The following PPFIA1 variants were observed in gnomAD, a reference collection of about 807,000 sequenced individuals.
PPFIA1 encodes the protein liprin-alpha-1.
Under a neutral mutation model 149.9 loss-of-function variants are expected in PPFIA1, and 25 were observed. The observed-to-expected ratio is 0.17, with a 90% CI of 0.12 to 0.23. PPFIA1 has a LOEUF of 0.23. Ranked by LOEUF, PPFIA1 falls within the 10% of genes least tolerant of loss-of-function variation. The pLI is 1.00. For synonymous variants in PPFIA1, 549 were observed against 552.8 expected (o/e 0.99, Z 0.10); for missense variants, 1,362 against 1,506.5 (o/e 0.90, Z 1.59).
At chr11:70,352,364 C>T (rs899846596) in intron 16 of PPFIA1, among the ~76,000 whole-genome samples, 8 of 152,204 alleles carry the variant, frequency 5.3e-5, no homozygotes, top group Admixed American at 2.0e-4. Flanking sequence ...ACACAGAGCA[C>T]GGCCTTCAGT....
chr11:70,327,767 C>T (rs1419449969), intron 7 of PPFIA1: 3 of 118,696 alleles, frequency 2.5e-5, no homozygotes, highest in African/African-American at 9.7e-5. Context: ...AGCGAGACTC[C>T]GTCTCAAAAA....
intron 19 of PPFIA1, 148 bp from the exon 20 acceptor site, chr11:70,361,947 G>T: frequency 6.0e-6 from 4 of 670,004 alleles, no homozygotes; most frequent in Non-Finnish European, 7.7e-6. Context: ...TTTTTGTAGA[G>T]TTGGGGTCTC....
chr11:70,274,798 A>C (rs2050289213), intron 2 of PPFIA1, among the ~76,000 whole-genome samples: 1 of 151,504 alleles, frequency 6.6e-6, no homozygotes, highest in African/African-American at 2.4e-5. Flanking sequence ...GGCTCACTGT[A>C]GCCTCCACCT....
At chr11:70,303,002 A>G (rs2052589077) in intron 2 of PPFIA1, among the ~76,000 whole-genome samples, 1 of 152,102 alleles carries the variant, frequency 6.6e-6, no homozygotes, top group South Asian at 2.1e-4. Context: ...AAACTTCCCA[A>G]TTTTGACCTG....
chr11:70,274,881 G>A (rs781162367), intron 2 of PPFIA1, among the ~76,000 whole-genome samples: 6 of 152,052 alleles, frequency 3.9e-5, no homozygotes, highest in Non-Finnish European at 7.4e-5. Flanking sequence ...ACCACCCTCC[G>A]CTAATTTTTG....
Position 70,383,303 on chromosome 11 carries a change from C to T in PPFIA1, c.*313C>T. On this transcript the variant is annotated 3_prime_UTR_variant, in exon 28 of 28. Transcript: ENST00000253925. ...TCATGTTCTTATACCTAATTTTAGT[C>T]TTTCAAATGAATGTACTGTAATGCT... is the stretch of plus-strand genomic sequence containing the variant. 4.0e-6 allele frequency: 1 copy of T among 247,798 alleles called. No homozygotes were observed. Among genetic ancestry groups the T allele is most frequent in the South Asian group, 4.3e-5 (1 of 23,028 alleles). 15.3% of individuals were successfully genotyped at this position (247,798 alleles called of 1,614,324 possible).
At chr11:70,333,601 G>A (rs762793100) in intron 10 of PPFIA1, 48 bp downstream of exon 10, 1 of 1,473,292 alleles carries the variant, frequency 6.8e-7, no homozygotes, top group Non-Finnish European at 9.4e-7. Flanking sequence ...GTGCTGCAAG[G>A]TCATTGCTCG....
At chr11:70,359,880 G>A (rs1022189239) in intron 19 of PPFIA1, among the ~76,000 whole-genome samples, 2 of 152,254 alleles carry the variant, frequency 1.3e-5, no homozygotes, top group Admixed American at 1.3e-4. Context: ...AGGGTGGAGT[G>A]GCTTCAGCCA....
chr11:70,322,836 C>T (rs940058643), intron 2 of PPFIA1, among the ~76,000 whole-genome samples: 4 of 152,166 alleles, frequency 2.6e-5, no homozygotes, highest in Admixed American at 2.0e-4. Flanking sequence ...TCCCCACCCC[C>T]GCTGTGTTCA....
At chr11:70,277,709 T>G (rs2050497072) in intron 2 of PPFIA1, among the ~76,000 whole-genome samples, 1 of 152,142 alleles carries the variant, frequency 6.6e-6, no homozygotes, top group Admixed American at 6.5e-5. Flanking sequence ...CAGGCTGGTC[T>G]CAAGCTCCTG....
intron 5 of PPFIA1, 26 bp downstream of exon 5, chr11:70,325,600 T>G (rs1219309996): frequency 6.8e-7 from 1 of 1,466,438 alleles, no homozygotes; most frequent in Non-Finnish European, 9.5e-7. Flanking sequence ...CATCATGAGT[T>G]GAATTGGGGG....
rs192351316 is a variant in PPFIA1 at position 70,337,155 on chromosome 11, G to A, written c.1429-210G>A. On this transcript the variant is annotated intron_variant, in intron 11 of 27. Coordinates refer to ENST00000253925, the MANE Select transcript of PPFIA1 (RefSeq NM_003626.5). ...GACATACCTACCTTTAGGAAGTTCA[G>A]TTGGTGAGGAGTAGATATATTAGTA... 4.6e-5 allele frequency among the ~76,000 whole-genome samples: 7 copies of A among 152,312 alleles called. No homozygotes were observed. The East Asian group carries it at 7.7e-4, about 17-fold the overall frequency.
chr11:70,365,446 C>G, intron 21 of PPFIA1: 1 of 456,628 alleles, frequency 2.2e-6, no homozygotes, highest in South Asian at 1.5e-5. Context: ...GTTAGTCACG[C>G]CCCACAGCCT....
In PPFIA1 at chr11:70,346,316, C is replaced by T. The variant is rs143452307; in HGVS notation, c.1932-1873C>T. ...AGCAGGTCTGGGTGGGGTGCTGCCA[C>T]GACTTGCTTGTGAAGTTTACGTGGG... On this transcript the variant is annotated intron_variant, in intron 15 of 27. Transcript: ENST00000253925. 2.7e-3 allele frequency among the ~76,000 whole-genome samples: 414 copies of T among 152,068 alleles called. 1 individual carries two copies. Among genetic ancestry groups the T allele is most frequent in the African/African-American group, 9.7e-3 (402 of 41,470 alleles).
rs775192688 is a variant in PPFIA1, at chr11:70,362,327, C to A, written c.2704C>A (p.Arg902=). 4 of 1,614,192 alleles carry A rather than the reference C, an allele frequency of 2.5e-6. No homozygotes were observed. The South Asian group carries it at 4.4e-5, about 18-fold the overall frequency. Reference sequence around the variant, plus strand: ...GCCAGCCTGGTATGTGGCTGCCTGCCGAGCAAACGTGAAAAGCGGGGCCAT... The same window carrying A: ...GCCAGCCTGGTATGTGGCTGCCTGCAGAGCAAACGTGAAAAGCGGGGCCAT... The part of the protein sequence containing the change: ...GMPAWYVAAC[R]ANVKSGAIMS... The change falls in exon 21 of 28, where the codon CGA becomes AGA. Residue 902 remains arginine, a synonymous_variant. Coordinates refer to ENST00000253925, the MANE Select transcript of PPFIA1 (RefSeq NM_003626.5).
intron 9 of PPFIA1, among the ~76,000 whole-genome samples, 180 bp from the exon 10 acceptor site, chr11:70,333,290 C>A (rs1462890199): frequency 2.6e-5 from 4 of 152,194 alleles, no homozygotes; most frequent in Non-Finnish European, 5.9e-5. Context: ...GGGCTAGCCA[C>A]CTCATGGCCC....
chr11:70,372,335 C>T lies in PPFIA1; in HGVS notation c.2986C>T (p.His996Tyr), dbSNP rs1472421200. Residue 996 changes from histidine to tyrosine, a missense_variant, in exon 22 of 28, where the codon CAC becomes TAC. Physicochemically the swap from His to Tyr is moderately conservative, Grantham distance 83. Transcript: ENST00000253925. Reference sequence around the variant, plus strand: ...CCTTGTAGACGCCAGGATGCTGGACCACTTGACCAAGAAAGACCTTCGAGG... The same window carrying T: ...CCTTGTAGACGCCAGGATGCTGGACTACTTGACCAAGAAAGACCTTCGAGG... ...ECLVDARMLDHLTKKDLRGQL... is the reference protein window; with the variant it reads ...ECLVDARMLDYLTKKDLRGQL... The T allele has an allele frequency of 2.5e-6, 4 of 1,614,064 alleles. No homozygotes were observed. The highest frequency in any genetic ancestry group is 2.2e-5 in the East Asian group (1 of 44,898).
At chr11:70,317,312 C>G (rs1187274344) in intron 2 of PPFIA1, among the ~76,000 whole-genome samples, 1 of 152,000 alleles carries the variant, frequency 6.6e-6, no homozygotes, top group African/African-American at 2.4e-5. Flanking sequence ...CTTTTGGGAT[C>G]TTAAACTTTG....
chr11:70,308,321 T>C (rs1207402267), intron 2 of PPFIA1, among the ~76,000 whole-genome samples: 1 of 152,252 alleles, frequency 6.6e-6, no homozygotes, highest in Non-Finnish European at 1.5e-5. Context: ...GTGCTGGGAT[T>C]ACAGGTGTGA....
Sources: gnomAD v4.1 joint callset for allele counts (sites outside exome capture counted in the v4.1 genomes callset) on GRCh38, gnomAD v4.1.1 for gene constraint, MANE v1.5 for transcripts, NCBI Gene and HGNC (gene_info 2026-07-23, HGNC 2026-07-21) for gene names.